SNTG2: variants seen among roughly 807,000 people sequenced by gnomAD.
The protein encoded by SNTG2 is syntrophin gamma 2, also known as gamma-2-syntrophin.
A neutral mutation model predicts 70.9 loss-of-function variants in SNTG2; 74 were observed. The observed-to-expected ratio is 1.04, with a 90% CI of 0.86 to 1.27. SNTG2 has a LOEUF of 1.27. Ranked by LOEUF, SNTG2 falls within the 50% of genes most tolerant of loss-of-function variation. The probability of loss-of-function intolerance (pLI) is 0.00; values close to 1 mark genes in which losing one functional copy is unlikely to be tolerated. For missense variants in SNTG2, 717 were observed against 690.7 expected, an observed-to-expected ratio of 1.04 and a Z score of -0.43; for synonymous variants, 278 against 273.8, an observed-to-expected ratio of 1.02 and a Z score of -0.15.
At chr2:1,315,558 A>G (rs1019157672) in intron 15 of SNTG2, among the ~76,000 whole-genome samples, 2 of 152,144 alleles carry the variant, frequency 1.3e-5, no homozygotes, top group East Asian at 3.9e-4. Flanking sequence ...ATAATTAAAG[A>G]CTATCTTTTA....
chr2:1,083,464 C>T (rs1664476009), intron 1 of SNTG2, 54 bp from the exon 2 acceptor site: 2 of 1,605,310 alleles, frequency 1.2e-6, no homozygotes, highest in African/African-American at 2.7e-5. Context: ...CCTATCCCCA[C>T]CCCTGGCTCC....
At chr2:1,307,987 G>A (rs941619217) in intron 14 of SNTG2, among the ~76,000 whole-genome samples, 18 of 152,208 alleles carry the variant, frequency 1.2e-4, no homozygotes, top group Admixed American at 8.5e-4. Flanking sequence ...TTTGTTTTTG[G>A]TGGTATCCCT....
intron 7 of SNTG2, among the ~76,000 whole-genome samples, chr2:1,170,109 T>A (rs1427212603): frequency 6.6e-6 from 1 of 152,138 alleles, no homozygotes; most frequent in Non-Finnish European, 1.5e-5. Flanking sequence ...GGCAGATCTG[T>A]GCGGAAAATG....
intron 1 of SNTG2, among the ~76,000 whole-genome samples, chr2:1,042,637 C>A (rs765967452): frequency 3.9e-5 from 6 of 152,190 alleles, no homozygotes; most frequent in Non-Finnish European, 8.8e-5. Context: ...ATTTCTGTTC[C>A]TGTATTAACT....
At chr2:1,076,098 C>T (rs1268023373) in intron 1 of SNTG2, among the ~76,000 whole-genome samples, 1 of 152,292 alleles carries the variant, frequency 6.6e-6, no homozygotes, top group Non-Finnish European at 1.5e-5. Flanking sequence ...TCATTGGTCA[C>T]GCAAAAATCT....
At chr2:1,061,021 T>C (rs572792341) in intron 1 of SNTG2, among the ~76,000 whole-genome samples, 58 of 152,282 alleles carry the variant, frequency 3.8e-4, no homozygotes, top group African/African-American at 1.4e-3. Context: ...AAATGTAAAC[T>C]TGTGACCCTC....
chr2:1,169,844 G>A (rs2147874501), intron 7 of SNTG2, among the ~76,000 whole-genome samples: 1 of 152,300 alleles, frequency 6.6e-6, no homozygotes, highest in South Asian at 2.1e-4. Context: ...GGCCAGGGGT[G>A]CTGAGTCCCC....
intron 9 of SNTG2, among the ~76,000 whole-genome samples, chr2:1,229,676 C>A (rs375184124): frequency 1.3e-5 from 2 of 152,086 alleles, no homozygotes; most frequent in East Asian, 3.9e-4. Flanking sequence ...AGGCTCGGGC[C>A]GCACAGGAGC....
At chr2:1,151,004 G>A (rs1384820306) in intron 6 of SNTG2, among the ~76,000 whole-genome samples, 2 of 152,182 alleles carry the variant, frequency 1.3e-5, no homozygotes, top group African/African-American at 4.8e-5. Flanking sequence ...GACACTCTCT[G>A]GGTGATGCAT....
At chr2:966,092 C>G (rs1660556338) in intron 1 of SNTG2, among the ~76,000 whole-genome samples, 1 of 152,226 alleles carries the variant, frequency 6.6e-6, no homozygotes, top group Non-Finnish European at 1.5e-5. Context: ...ACCTGCTTCA[C>G]AGCGAGTCCT....
rs145915448 is a variant in SNTG2, at chr2:977,094, G to T, written c.72+26026G>T. 2.9e-3 allele frequency among the ~76,000 whole-genome samples: 449 copies of T among 152,294 alleles called. 7 individuals carry two copies. Among genetic ancestry groups the T allele is most frequent in the Admixed American group, 0.024 (370 of 15,300 alleles). ...CTGCCACCATTCACTGTTAATGTAGGTGATCCAGGAAGCCGCAGGTTCTTC... is the reference window on the plus strand; with the variant it reads ...CTGCCACCATTCACTGTTAATGTAGTTGATCCAGGAAGCCGCAGGTTCTTC... On this transcript the variant is annotated intron_variant, in intron 1 of 16. Transcript: ENST00000308624.
chr2:969,026 C>T (rs4597565), intron 1 of SNTG2, among the ~76,000 whole-genome samples: 52,342 of 151,938 alleles, frequency 0.34, 9,812 homozygotes, highest in Middle Eastern at 0.46. Context: ...TAATGCATTT[C>T]GAGTTGATTT....
At position 1,222,117 on chromosome 2, in the gene SNTG2, C is replaced by CTCTGTCTCTCTCTG. The variant is rs1185946852; in HGVS notation, c.719+12890_719+12891insGTCTCTCTCTGTCT. On this transcript the variant is annotated intron_variant, in intron 9 of 16. Coordinates refer to ENST00000308624, the MANE Select transcript of SNTG2 (RefSeq NM_018968.4). Reference sequence around the variant, plus strand: ...TCTGTCTCTCTCTGTCTCTCTCTGTCTCTCTCTGTCTCTCTCTGTCTCTCT... The same window carrying CTCTGTCTCTCTCTG: ...TCTGTCTCTCTCTGTCTCTCTCTGTCTCTGTCTCTCTCTGTCTCTCTGTCTCTCTCTGTCTCTCT... Among the ~76,000 whole-genome samples, 25 of 37,504 alleles carry CTCTGTCTCTCTCTG rather than the reference C, an allele frequency of 6.7e-4. 5 individuals carry two copies. Among genetic ancestry groups the CTCTGTCTCTCTCTG allele is most frequent in the East Asian group, 4.6e-3 (11 of 2,370 alleles). 24.6% of individuals were successfully genotyped at this position (37,504 alleles called of 152,430 possible). A position where few individuals can be genotyped will look rare whatever the true frequency, so the allele number is the denominator to read the frequency against.
chr2:1,272,194 A>C (rs1022293567), intron 14 of SNTG2, among the ~76,000 whole-genome samples: 3 of 151,752 alleles, frequency 2.0e-5, no homozygotes, highest in Non-Finnish European at 4.4e-5. Context: ...CATAATGCAG[A>C]ATCAGTGAGG....
At chr2:1,015,425 C>A (rs1431539591) in intron 1 of SNTG2, among the ~76,000 whole-genome samples, 1 of 152,092 alleles carries the variant, frequency 6.6e-6, no homozygotes, top group Non-Finnish European at 1.5e-5. Context: ...AGAATACAAG[C>A]TGGAAGGACG....
intron 4 of SNTG2, among the ~76,000 whole-genome samples, chr2:1,124,279 G>A (rs983496756): frequency 5.3e-5 from 8 of 150,468 alleles, no homozygotes; most frequent in Admixed American, 1.3e-4. Flanking sequence ...AATATATAGG[G>A]TGGAATATTA....
intron 8 of SNTG2, among the ~76,000 whole-genome samples, chr2:1,179,489 C>T (rs1324381469): frequency 5.9e-5 from 9 of 152,008 alleles, no homozygotes; most frequent in Non-Finnish European, 1.3e-4. Context: ...GAATAAAATA[C>T]CTAGGAATCC....
chr2:1,222,063 G>T (rs1294055452), intron 9 of SNTG2, among the ~76,000 whole-genome samples: 1 of 4,202 alleles, frequency 2.4e-4, no homozygotes, highest in Non-Finnish European at 5.0e-4. Context: ...CTCTGTCTCT[G>T]TTTCTCTCTG....
chr2:1,016,416 T>G (rs568059412), intron 1 of SNTG2, among the ~76,000 whole-genome samples: 1 of 152,270 alleles, frequency 6.6e-6, no homozygotes, highest in South Asian at 2.1e-4. Context: ...AATTTTTGTA[T>G]TTTTAGTAGA....
Sources: allele counts gnomAD v4.1 joint callset (sites outside exome capture counted in the v4.1 genomes callset), GRCh38; gene constraint gnomAD v4.1.1; transcripts MANE v1.5; gene names NCBI Gene and HGNC (gene_info 2026-07-23, HGNC 2026-07-21).